Variants in GNAQ observed in about 807,000 individuals in gnomAD.
GNAQ encodes G protein subunit alpha q, also known as guanine nucleotide-binding protein G(q) subunit alpha.
In GNAQ, 8 loss-of-function variants were observed where a neutral mutation model predicts 43.9. The ratio of observed to expected loss-of-function variants is 0.18; its 90% CI spans 0.11 to 0.33. The LOEUF (loss-of-function observed/expected upper bound fraction) is 0.33. GNAQ is among the 10% of genes least tolerant of loss of function. GNAQ has a pLI of 1.00. For synonymous variants in GNAQ, 155 were observed against 170.7 expected (o/e 0.91, Z 0.71); for missense variants, 158 against 450.8 (o/e 0.35, Z 5.88).
chr9:77,762,058 C>T (rs1195404474), intron 5 of GNAQ, among the ~76,000 whole-genome samples: 84 of 114,280 alleles, frequency 7.4e-4, no homozygotes, highest in Admixed American at 1.5e-3. Flanking sequence ...CCAGCCGCCC[C>T]GTCCGGGAGG....
intron 1 of GNAQ, among the ~76,000 whole-genome samples, chr9:77,996,738 A>C (rs929391968): frequency 3.9e-5 from 6 of 152,084 alleles, no homozygotes; most frequent in Admixed American, 3.3e-4. Flanking sequence ...AGTCAGATAA[A>C]TTAAGATTTT....
chr9:77,939,676 C>A (rs1829286988), intron 1 of GNAQ, among the ~76,000 whole-genome samples: 1 of 152,134 alleles, frequency 6.6e-6, no homozygotes, highest in Non-Finnish European at 1.5e-5. Flanking sequence ...TGAAAAAACT[C>A]ATTCTGGAAT....
intron 1 of GNAQ, among the ~76,000 whole-genome samples, chr9:77,997,278 C>T (rs540889020): frequency 1.3e-5 from 2 of 152,300 alleles, no homozygotes; most frequent in Non-Finnish European, 2.9e-5. Flanking sequence ...TGTACAGTCA[C>T]CCTTTTCTAT....
intron 5 of GNAQ, among the ~76,000 whole-genome samples, chr9:77,732,396 C>T (rs761010285): frequency 1.6e-4 from 23 of 144,744 alleles, no homozygotes; most frequent in Non-Finnish European, 3.0e-4. Flanking sequence ...GAGATGGTGT[C>T]TCACTCTTGC....
At chr9:77,885,267 G>C (rs771032993) in intron 2 of GNAQ, among the ~76,000 whole-genome samples, 1 of 152,162 alleles carries the variant, frequency 6.6e-6, no homozygotes, top group Non-Finnish European at 1.5e-5. Flanking sequence ...AGCTCAGGAA[G>C]TCAGCAAGCT....
intron 3 of GNAQ, among the ~76,000 whole-genome samples, chr9:77,810,214 CT>C (rs1826896892): frequency 1.3e-4 from 4 of 30,412 alleles, no homozygotes; most frequent in East Asian, 1.4e-3. Flanking sequence ...AATCATCTAT[CT>C]ATCTATCTAT....
intron 1 of GNAQ, among the ~76,000 whole-genome samples, chr9:77,963,381 A>C (rs1048872180): frequency 3.9e-5 from 6 of 152,362 alleles, no homozygotes; most frequent in African/African-American, 1.4e-4. Flanking sequence ...CTGAAAAATT[A>C]AAGTTTAGCA....
intron 1 of GNAQ, among the ~76,000 whole-genome samples, chr9:78,005,005 C>T (rs1823688444): frequency 1.3e-5 from 2 of 152,062 alleles, no homozygotes; most frequent in Non-Finnish European, 2.9e-5. Flanking sequence ...GCCTTTATTT[C>T]ACAATGAATG....
intron 1 of GNAQ, among the ~76,000 whole-genome samples, chr9:78,025,051 C>T (rs752272460): frequency 8.0e-4 from 121 of 152,152 alleles, no homozygotes; most frequent in Admixed American, 4.1e-3. Context: ...ATTTGGGATT[C>T]TCGGCACTGC....
chr9:77,884,839 C>T (rs778533424), intron 2 of GNAQ, among the ~76,000 whole-genome samples: 7 of 152,204 alleles, frequency 4.6e-5, no homozygotes, highest in South Asian at 4.1e-4. Flanking sequence ...AGTTAAGAAA[C>T]TGGTCAAGAA....
chr9:77,996,677 C>CAAAAAAAAAAAAAAAAAAAAAAAA (rs3083223), intron 1 of GNAQ, among the ~76,000 whole-genome samples: 1 of 105,592 alleles, frequency 9.5e-6, no homozygotes, highest in Non-Finnish European at 1.9e-5. Context: ...GACTCCATCT[C>CAAAAAAAAAAAAAAAAAAAAAAAA]AAAAAAAAAA....
At chr9:77,917,534 T>TA (rs758631055) in intron 2 of GNAQ, among the ~76,000 whole-genome samples, 37 of 147,432 alleles carry the variant, frequency 2.5e-4, no homozygotes, top group African/African-American at 4.5e-4. Flanking sequence ...ATAATAAACT[T>TA]AAAAAAAAAA....
intron 5 of GNAQ, among the ~76,000 whole-genome samples, chr9:77,774,352 C>T (rs1300199210): frequency 2.6e-5 from 4 of 152,152 alleles, no homozygotes; most frequent in East Asian, 3.8e-4. Context: ...CTAAGCTTCT[C>T]GGACCAGACA....
At chr9:77,892,508 AAT>A (rs1297364763) in intron 2 of GNAQ, among the ~76,000 whole-genome samples, 1 of 152,178 alleles carries the variant, frequency 6.6e-6, no homozygotes, top group Admixed American at 6.6e-5. Context: ...CAGTGTTCAG[AAT>A]ATATATATGA....
intron 5 of GNAQ, among the ~76,000 whole-genome samples, chr9:77,786,047 C>A (rs1826471457): frequency 6.6e-6 from 1 of 152,096 alleles, no homozygotes; most frequent in Non-Finnish European, 1.5e-5. Context: ...ATACATGTCA[C>A]ATGTGTCATT....
chr9:77,843,846 C>G (rs1381280286), intron 2 of GNAQ, among the ~76,000 whole-genome samples: 1 of 152,106 alleles, frequency 6.6e-6, no homozygotes, highest in Non-Finnish European at 1.5e-5. Flanking sequence ...CACCTAAAGC[C>G]CATTTGCAGT....
At chr9:77,827,275 C>A (rs1475273275) in intron 2 of GNAQ, among the ~76,000 whole-genome samples, 2 of 150,934 alleles carry the variant, frequency 1.3e-5, no homozygotes, top group East Asian at 2.0e-4. Flanking sequence ...GACAGCATAT[C>A]CACGCATGCT....
At chr9:77,833,587 G>C (rs1189950710) in intron 2 of GNAQ, among the ~76,000 whole-genome samples, 2 of 152,172 alleles carry the variant, frequency 1.3e-5, no homozygotes, top group African/African-American at 4.8e-5. Context: ...TGTATCCTAG[G>C]CTTAAAGTTT....
chr9:77,784,905 C>A (rs924471375), intron 5 of GNAQ, among the ~76,000 whole-genome samples: 1 of 152,164 alleles, frequency 6.6e-6, no homozygotes, highest in African/African-American at 2.4e-5. Context: ...CTACTATACA[C>A]CCACCTGAAT....
Sources: allele counts gnomAD v4.1 joint callset (sites outside exome capture counted in the v4.1 genomes callset), GRCh38; gene constraint gnomAD v4.1.1; transcripts MANE v1.5; gene names NCBI Gene and HGNC (gene_info 2026-07-23, HGNC 2026-07-21).